Variants in FAM135B observed in about 807,000 individuals in gnomAD.
FAM135B encodes family with sequence similarity 135 member B.
FAM135B carries 43 observed loss-of-function variants against 127.7 expected under a neutral mutation model. The observed-to-expected ratio is 0.34, with a 90% CI of 0.26 to 0.43. The LOEUF (loss-of-function observed/expected upper bound fraction) is 0.43, where lower values mean the gene tolerates loss of function less well. Ranked by LOEUF, FAM135B falls within the 20% of genes least tolerant of loss-of-function variation. The pLI is 1.00. For missense variants in FAM135B, 1,558 were observed against 1,725.6 expected, an observed-to-expected ratio of 0.90 and a Z score of 1.72; for synonymous variants, 670 against 665.1, an observed-to-expected ratio of 1.01 and a Z score of -0.11.
chr8:138,177,261 C>G, intron 11 of FAM135B, 86 bp downstream of exon 11: 1 of 1,253,674 alleles, frequency 8.0e-7, no homozygotes, highest in Non-Finnish European at 1.1e-6. Context: ...TCCTTCACTT[C>G]CAGTGAGAAA....
rs1404489302 is a variant in FAM135B at position 138,477,968 on chromosome 8, G to T, written c.-20+18703C>A. 3.9e-5 allele frequency among the ~76,000 whole-genome samples: 6 copies of T among 152,314 alleles called. No individual in the cohort carries two copies. The East Asian group carries it at 1.2e-3, about 29-fold the overall frequency. The stretch of plus-strand genomic sequence containing the variant: ...GATGTCAGAGAAGAGATCCTGGGAA[G>T]CCTGGGTTCTTGACGACTTCCCACA... On this transcript the variant is annotated intron_variant, in intron 1 of 19. Transcript: ENST00000395297.
At chr8:138,337,493 G>A (rs1204218753) in intron 2 of FAM135B, among the ~76,000 whole-genome samples, 1 of 150,718 alleles carries the variant, frequency 6.6e-6, no homozygotes, top group Non-Finnish European at 1.5e-5. Flanking sequence ...AATCATGAGT[G>A]AACTCCCATT....
intron 12 of FAM135B, among the ~76,000 whole-genome samples, chr8:138,159,604 T>C (rs1469781700): frequency 1.1e-5 from 1 of 90,996 alleles, no homozygotes; most frequent in African/African-American, 4.3e-5. Flanking sequence ...GGGCCTGTCG[T>C]GGGGTGGGGG....
At chr8:138,432,838 C>T (rs1199701541) in intron 1 of FAM135B, among the ~76,000 whole-genome samples, 1 of 152,032 alleles carries the variant, frequency 6.6e-6, no homozygotes, top group Non-Finnish European at 1.5e-5. Context: ...TAGTATAGAT[C>T]CATGGCTCAG....
intron 7 of FAM135B, among the ~76,000 whole-genome samples, chr8:138,228,231 C>G (rs1047582646): frequency 4.6e-5 from 7 of 151,210 alleles, no homozygotes; most frequent in Non-Finnish European, 1.0e-4. Flanking sequence ...TGGAGGTAGA[C>G]ATCAGAATCA....
At chr8:138,184,907 C>T (rs529483444) in intron 9 of FAM135B, among the ~76,000 whole-genome samples, 2 of 152,302 alleles carry the variant, frequency 1.3e-5, no homozygotes, top group East Asian at 3.9e-4. Flanking sequence ...TTAACAAGAT[C>T]CCCAGGTAAT....
chr8:138,274,880 G>A (rs1303421614), intron 3 of FAM135B, among the ~76,000 whole-genome samples: 5 of 149,284 alleles, frequency 3.3e-5, no homozygotes, highest in African/African-American at 1.2e-4. Flanking sequence ...CTATTATCCT[G>A]TTCTTTTTTT....
chr8:138,245,470 T>G (rs1040648862), intron 6 of FAM135B, among the ~76,000 whole-genome samples: 1 of 152,066 alleles, frequency 6.6e-6, no homozygotes, highest in African/African-American at 2.4e-5. Flanking sequence ...ATCTGATGGT[T>G]TTATAAGGGG....
intron 7 of FAM135B, among the ~76,000 whole-genome samples, chr8:138,210,437 G>T (rs1818050087): frequency 6.6e-6 from 1 of 152,098 alleles, no homozygotes; most frequent in South Asian, 2.1e-4. Context: ...GGTAATTTAT[G>T]AAGAAAAGAG....
intron 9 of FAM135B, among the ~76,000 whole-genome samples, chr8:138,192,618 C>A (rs532387996): frequency 3.0e-3 from 462 of 151,634 alleles, no homozygotes; most frequent in Middle Eastern, 0.017. Flanking sequence ...TCTTGTGGCC[C>A]TCACCCAGGA....
At chr8:138,265,569 C>T (rs967633363) in intron 4 of FAM135B, 134 bp downstream of exon 4, 14 of 893,062 alleles carry the variant, frequency 1.6e-5, no homozygotes, top group Non-Finnish European at 2.4e-5. Flanking sequence ...TGCATGAGTG[C>T]ACTAAAAGCA....
At chr8:138,320,362 A>G (rs1383863327) in intron 2 of FAM135B, among the ~76,000 whole-genome samples, 1 of 152,236 alleles carries the variant, frequency 6.6e-6, no homozygotes, top group Non-Finnish European at 1.5e-5. Context: ...TTTAGGGATT[A>G]AAATGCAGGG....
At chr8:138,454,565 G>A (rs1179500274) in intron 1 of FAM135B, among the ~76,000 whole-genome samples, 1 of 152,214 alleles carries the variant, frequency 6.6e-6, no homozygotes, top group African/African-American at 2.4e-5. Flanking sequence ...GCAAGTAAGT[G>A]CAGAACCAGG....
chr8:138,133,302 G>A (rs1816350699), intron 19 of FAM135B, among the ~76,000 whole-genome samples: 1 of 152,194 alleles, frequency 6.6e-6, no homozygotes, highest in South Asian at 2.1e-4. Flanking sequence ...ATGTTGGTTT[G>A]TTTTGTTTTT....
chr8:138,428,046 A>G (rs1365151574), intron 1 of FAM135B, among the ~76,000 whole-genome samples: 2 of 152,198 alleles, frequency 1.3e-5, no homozygotes, highest in African/African-American at 4.8e-5. Flanking sequence ...CACCACGATC[A>G]TAATAGGCTT....
chr8:138,476,840 T>G (rs549606091), intron 1 of FAM135B, among the ~76,000 whole-genome samples: 1 of 152,280 alleles, frequency 6.6e-6, no homozygotes, highest in Non-Finnish European at 1.5e-5. Context: ...CAGTACTGCT[T>G]CTTGTAAAAT....
chr8:138,358,089 G>A (rs1830201683), intron 2 of FAM135B, among the ~76,000 whole-genome samples: 1 of 152,064 alleles, frequency 6.6e-6, no homozygotes, highest in South Asian at 2.1e-4. Flanking sequence ...AGCATGTGTA[G>A]GGGAACTACC....
intron 2 of FAM135B, among the ~76,000 whole-genome samples, chr8:138,334,545 A>G (rs1252746314): frequency 6.6e-6 from 1 of 151,626 alleles, no homozygotes; most frequent in Non-Finnish European, 1.5e-5. Flanking sequence ...CCCACTCCCA[A>G]CCTCTACCTT....
At chr8:138,446,599 CA>C (rs1379998539) in intron 1 of FAM135B, among the ~76,000 whole-genome samples, 1 of 152,120 alleles carries the variant, frequency 6.6e-6, no homozygotes, top group Non-Finnish European at 1.5e-5. Flanking sequence ...ACTGGCTAGC[CA>C]TATGTAGAAA....
Sources: allele counts gnomAD v4.1 joint callset (sites outside exome capture counted in the v4.1 genomes callset), GRCh38; gene constraint gnomAD v4.1.1; transcripts MANE v1.5; gene names NCBI Gene and HGNC (gene_info 2026-07-23, HGNC 2026-07-21).